RORA: variants seen among roughly 807,000 people sequenced by gnomAD.
RORA encodes the protein RAR related orphan receptor A.
A neutral mutation model predicts 69.5 loss-of-function variants in RORA; 7 were observed. That is an observed-to-expected ratio of 0.10 (90% CI 0.06 to 0.19). The LOEUF (loss-of-function observed/expected upper bound fraction) is 0.19. Among genes scored for constraint, RORA ranks in the 10% least tolerant of loss-of-function variants. The probability of loss-of-function intolerance (pLI) is 1.00; values close to 1 mark genes in which losing one functional copy is unlikely to be tolerated. For missense variants in RORA, 457 were observed against 663.0 expected (o/e 0.69, Z 3.41); for synonymous variants, 261 against 240.8 (o/e 1.08, Z -0.78).
chr15:61,024,451 GTT>G (rs34652090), intron 1 of RORA, among the ~76,000 whole-genome samples: 13 of 134,764 alleles, frequency 9.6e-5, no homozygotes, highest in East Asian at 2.2e-4. Context: ...GCCCGGTAAT[GTT>G]TTTTTTTTTT....
At chr15:60,858,706 CACACA>C (rs2073406181) in intron 1 of RORA, among the ~76,000 whole-genome samples, 1 of 151,722 alleles carries the variant, frequency 6.6e-6, no homozygotes, top group Non-Finnish European at 1.5e-5. Flanking sequence ...CACACACACA[CACACA>C]CACACACACA....
At position 60,568,578 on chromosome 15, in the gene RORA, C is replaced by A. The variant is rs565484407; in HGVS notation, c.197-36727G>T. 2.0e-5 allele frequency among the ~76,000 whole-genome samples: 3 copies of A among 152,296 alleles called. No homozygotes were observed. The South Asian group carries it at 6.2e-4, about 32-fold the overall frequency. ...CTGGGGAAGTCTAGTCGAGATCTCA[C>A]TGGGGAAAGCAGGACTTGCTGCTGC... On this transcript the variant is annotated intron_variant, in intron 2 of 10. Coordinates refer to ENST00000335670, the MANE Select transcript of RORA (RefSeq NM_134261.3).
At chr15:61,000,712 C>T (rs1185632333) in intron 1 of RORA, among the ~76,000 whole-genome samples, 1 of 152,210 alleles carries the variant, frequency 6.6e-6, no homozygotes, top group East Asian at 1.9e-4. Flanking sequence ...TTGTCCAGCA[C>T]ATGACTGACC....
At chr15:60,508,343 C>A (rs553412094) in intron 5 of RORA, among the ~76,000 whole-genome samples, 1 of 152,330 alleles carries the variant, frequency 6.6e-6, no homozygotes, top group South Asian at 2.1e-4. Context: ...GTCCTCGCTT[C>A]TGAGTTAGTC....
chr15:61,063,196 C>G (rs1032469275), intron 1 of RORA, among the ~76,000 whole-genome samples: 4 of 152,200 alleles, frequency 2.6e-5, no homozygotes, highest in Non-Finnish European at 4.4e-5. Context: ...TATCTGAACC[C>G]TTCACGGCGT....
At position 60,784,007 on chromosome 15, in the gene RORA, T is replaced by C. The variant is rs145661091; in HGVS notation, c.167-105321A>G. Among the ~76,000 whole-genome samples the C allele has an allele frequency of 3.9e-3, 600 of 152,346 alleles. 3 individuals are homozygous for C. The highest frequency in any genetic ancestry group is 0.014 in the African/African-American group (589 of 41,576). The stretch of plus-strand genomic sequence containing the variant: ...CTAGGGGAGCCATCCCTCCTTTACA[T>C]CAACGGCTTCCACATGCTGGTCAGT... On this transcript the variant is annotated intron_variant, in intron 1 of 10. Transcript: ENST00000335670.
At chr15:61,124,195 C>T (rs1197201710) in intron 1 of RORA, among the ~76,000 whole-genome samples, 1 of 152,232 alleles carries the variant, frequency 6.6e-6, no homozygotes, top group Non-Finnish European at 1.5e-5. Context: ...GTGTTGGCTG[C>T]TTTTCCTTTA....
chr15:60,610,078 G>A (rs2069050255), intron 2 of RORA, among the ~76,000 whole-genome samples: 1 of 152,062 alleles, frequency 6.6e-6, no homozygotes, highest in African/African-American at 2.4e-5. Context: ...CCATCAAATA[G>A]AACAGAAGGG....
chr15:60,824,241 C>T (rs2072929265), intron 1 of RORA, among the ~76,000 whole-genome samples: 1 of 152,152 alleles, frequency 6.6e-6, no homozygotes. Context: ...ATTCTTGATT[C>T]AACCAGGCTC....
At chr15:60,579,388 T>G (rs1467593352) in intron 2 of RORA, among the ~76,000 whole-genome samples, 1 of 152,174 alleles carries the variant, frequency 6.6e-6, no homozygotes, top group Non-Finnish European at 1.5e-5. Context: ...TGCTAAATGC[T>G]TATGTCCTTG....
rs929251678 is a variant in RORA at position 60,774,370 on chromosome 15, A to G, written c.167-95684T>C. 5.3e-5 allele frequency among the ~76,000 whole-genome samples: 8 copies of G among 152,284 alleles called. No homozygotes were observed. In the Middle Eastern group the frequency reaches 0.01, roughly 194 times the overall value. ...ATCTGTCCTAATCCAAGAGCCAACA[A>G]TGGAAATGGCTTCATCCTGAGAGGC... On this transcript the variant is annotated intron_variant, in intron 1 of 10. Coordinates refer to ENST00000335670, the MANE Select transcript of RORA (RefSeq NM_134261.3).
At chr15:61,031,913 T>C (rs917283560) in intron 1 of RORA, among the ~76,000 whole-genome samples, 3 of 152,204 alleles carry the variant, frequency 2.0e-5, no homozygotes, top group Admixed American at 6.5e-5. Context: ...GTTTTCATTA[T>C]CACTTACTTC....
chr15:61,004,895 TA>T (rs1894866038), intron 1 of RORA, among the ~76,000 whole-genome samples: 1 of 152,222 alleles, frequency 6.6e-6, no homozygotes, highest in Non-Finnish European at 1.5e-5. Context: ...AAAAGAAAGA[TA>T]ATACCAATGT....
intron 1 of RORA, among the ~76,000 whole-genome samples, chr15:60,790,302 C>A (rs1277647586): frequency 6.6e-6 from 1 of 152,168 alleles, no homozygotes; most frequent in African/African-American, 2.4e-5. Context: ...TAAATGTGTC[C>A]ACTCACAATC....
chr15:60,930,651 T>C (rs1595824359), intron 1 of RORA, among the ~76,000 whole-genome samples: 1 of 152,234 alleles, frequency 6.6e-6, no homozygotes, highest in East Asian at 1.9e-4. Context: ...CCCAATTCAC[T>C]GAAGGAAGTT....
intron 1 of RORA, among the ~76,000 whole-genome samples, chr15:60,954,900 TGACAGACTG>T (rs758137661): frequency 2.0e-5 from 3 of 152,190 alleles, no homozygotes; most frequent in Admixed American, 6.5e-5. Flanking sequence ...CATCCAGTAA[TGACAGACTG>T]GATGACTCAA....
intron 1 of RORA, among the ~76,000 whole-genome samples, chr15:60,958,180 T>C (rs962454730): frequency 1.3e-5 from 2 of 152,218 alleles, no homozygotes; most frequent in Admixed American, 1.3e-4. Flanking sequence ...GATATAAATA[T>C]TAATTTTCCT....
intron 1 of RORA, among the ~76,000 whole-genome samples, chr15:61,161,769 G>T (rs980422689): frequency 6.6e-5 from 10 of 152,058 alleles, no homozygotes; most frequent in Admixed American, 5.2e-4. Context: ...AATATGAAGT[G>T]CAAATCTATT....
chr15:61,015,940 T>A (rs182736892), intron 1 of RORA, among the ~76,000 whole-genome samples: 2 of 152,258 alleles, frequency 1.3e-5, no homozygotes, highest in Admixed American at 1.3e-4. Flanking sequence ...ACAGTTTACG[T>A]GGAATATGGA....
Sources: allele counts gnomAD v4.1 joint callset (sites outside exome capture counted in the v4.1 genomes callset), GRCh38; gene constraint gnomAD v4.1.1; transcripts MANE v1.5; gene names NCBI Gene and HGNC (gene_info 2026-07-23, HGNC 2026-07-21).